DPP10: variants seen among roughly 807,000 people sequenced by gnomAD.
The protein encoded by DPP10 is inactive dipeptidyl peptidase 10.
In DPP10, 33 loss-of-function variants were observed where a neutral mutation model predicts 120.9. The ratio of observed to expected loss-of-function variants is 0.27; its 90% CI spans 0.21 to 0.37. DPP10 has a LOEUF of 0.37. Among genes scored for constraint, DPP10 ranks in the 10% least tolerant of loss-of-function variants. The pLI is 1.00. For synonymous variants in DPP10, 337 were observed against 326.1 expected, an observed-to-expected ratio of 1.03 and a Z score of -0.36; for missense variants, 816 against 942.8, an observed-to-expected ratio of 0.87 and a Z score of 1.76.
At chr2:115,800,702 C>T (rs1685116718) in intron 19 of DPP10, among the ~76,000 whole-genome samples, 1 of 152,120 alleles carries the variant, frequency 6.6e-6, no homozygotes, top group Non-Finnish European at 1.5e-5. Context: ...AATCCTTTCC[C>T]CATTGCTTGT....
intron 1 of DPP10, among the ~76,000 whole-genome samples, chr2:114,898,074 A>G (rs1422050713): frequency 3.3e-5 from 5 of 152,226 alleles, no homozygotes; most frequent in Non-Finnish European, 5.9e-5. Flanking sequence ...CACTATTCAC[A>G]ATAGCAAAGA....
rs1401108631 is a variant in DPP10, at chr2:114,815,891, T to A, written c.60+373053T>A. On this transcript the variant is annotated intron_variant, in intron 1 of 25. Transcript: ENST00000410059. The stretch of plus-strand genomic sequence containing the variant: ...CACTTAAATTTTCTTAGTTTTTTTT[T>A]TTTTTTCCACTTCTAAAATGAGACT... Among the ~76,000 whole-genome samples the A allele has an allele frequency of 2.6e-5, 4 of 152,242 alleles. No homozygotes were observed. The East Asian group carries it at 7.7e-4, about 29-fold the overall frequency.
intron 3 of DPP10, among the ~76,000 whole-genome samples, chr2:115,439,859 A>T (rs369121259): frequency 1.5e-5 from 2 of 129,428 alleles, no homozygotes; most frequent in African/African-American, 5.8e-5. Flanking sequence ...AAAAAGCAGA[A>T]CTAATTAAAA....
intron 3 of DPP10, among the ~76,000 whole-genome samples, chr2:115,430,028 C>A (rs974709522): frequency 1.3e-5 from 2 of 152,162 alleles, no homozygotes; most frequent in African/African-American, 4.8e-5. Flanking sequence ...AGCAGGGACA[C>A]AGGTTCTGCG....
intron 3 of DPP10, among the ~76,000 whole-genome samples, chr2:115,360,029 G>A (rs982554024): frequency 1.3e-5 from 2 of 152,030 alleles, no homozygotes; most frequent in East Asian, 1.9e-4. Context: ...CTGCTGTCTC[G>A]GATTGGGTTT....
intron 9 of DPP10, among the ~76,000 whole-genome samples, chr2:115,741,452 T>G (rs533583867): frequency 2.0e-5 from 3 of 152,046 alleles, no homozygotes; most frequent in East Asian, 3.9e-4. Context: ...CATGACAGTT[T>G]GGACCTATAC....
At chr2:114,970,965 G>C (rs1699351726) in intron 1 of DPP10, among the ~76,000 whole-genome samples, 1 of 152,174 alleles carries the variant, frequency 6.6e-6, no homozygotes, top group South Asian at 2.1e-4. Flanking sequence ...AGAAGGCTCT[G>C]TTTAGAGGGT....
chr2:114,761,103 A>T lies in DPP10; in HGVS notation c.60+318265A>T, dbSNP rs995524214. ...CTCAGTTGACTTAAGAAATTTGCCC[A>T]ATGTCGTATAACTAGCCAGTTTTAA... On this transcript the variant is annotated intron_variant, in intron 1 of 25. Transcript: ENST00000410059. 2.0e-4 allele frequency among the ~76,000 whole-genome samples: 31 copies of T among 152,290 alleles called. No individual in the cohort carries two copies. The East Asian group carries it at 5.4e-3, about 27-fold the overall frequency.
chr2:114,543,807 C>A (rs1035823082), intron 1 of DPP10, among the ~76,000 whole-genome samples: 1 of 151,748 alleles, frequency 6.6e-6, no homozygotes, highest in African/African-American at 2.4e-5. Flanking sequence ...TTGATCACTG[C>A]AATGTCTGCT....
At chr2:115,835,452 A>C (rs985672012) in intron 21 of DPP10, among the ~76,000 whole-genome samples, 1 of 152,108 alleles carries the variant, frequency 6.6e-6, no homozygotes, top group African/African-American at 2.4e-5. Flanking sequence ...AGAGAGGGAG[A>C]GAAAGAGAGA....
chr2:114,679,662 A>G (rs1409397717), intron 1 of DPP10, among the ~76,000 whole-genome samples: 1 of 152,024 alleles, frequency 6.6e-6, no homozygotes, highest in African/African-American at 2.4e-5. Context: ...GATAATTAGA[A>G]CTACAAGAGA....
intron 1 of DPP10, among the ~76,000 whole-genome samples, chr2:115,277,782 T>G (rs2059981264): frequency 6.6e-6 from 1 of 152,140 alleles, no homozygotes; most frequent in Admixed American, 6.5e-5. Flanking sequence ...ATATCACATA[T>G]GTAAAATATT....
At chr2:114,990,021 T>A (rs889369888) in intron 1 of DPP10, among the ~76,000 whole-genome samples, 4 of 152,214 alleles carry the variant, frequency 2.6e-5, no homozygotes, top group African/African-American at 9.6e-5. Flanking sequence ...TGATGTGTTT[T>A]CCTGATATTT....
intron 1 of DPP10, among the ~76,000 whole-genome samples, chr2:114,716,595 T>G (rs1217455476): frequency 1.3e-5 from 2 of 152,230 alleles, no homozygotes; most frequent in Admixed American, 1.3e-4. Flanking sequence ...GCAGTCCTTC[T>G]TTGGGTGTTC....
intron 1 of DPP10, among the ~76,000 whole-genome samples, chr2:114,946,111 C>T (rs1048078259): frequency 2.6e-5 from 4 of 152,148 alleles, no homozygotes; most frequent in Admixed American, 6.5e-5. Flanking sequence ...TAATGTTGAA[C>T]ACTGAATGGA....
At chr2:114,812,384 T>C (rs532831961) in intron 1 of DPP10, among the ~76,000 whole-genome samples, 3 of 152,238 alleles carry the variant, frequency 2.0e-5, no homozygotes, top group South Asian at 4.1e-4. Flanking sequence ...GAAGGACTGC[T>C]TGAGCCCAGG....
chr2:114,472,664 G>T (rs548984487), intron 1 of DPP10, among the ~76,000 whole-genome samples: 25 of 152,284 alleles, frequency 1.6e-4, no homozygotes, highest in Admixed American at 7.2e-4. Flanking sequence ...GAGGTTGTCA[G>T]ACTTTAATCT....
At chr2:114,525,002 A>G (rs1360905415) in intron 1 of DPP10, among the ~76,000 whole-genome samples, 1 of 152,176 alleles carries the variant, frequency 6.6e-6, no homozygotes. Context: ...AGAATTCAGC[A>G]TAGTGTGCTG....
Position 115,459,938 on chromosome 2 carries a change from T to TATATATATACACAC in DPP10, c.272-39571_272-39570insTATATATACACACA, listed in dbSNP as rs66927327. Among the ~76,000 whole-genome samples, 593 of 128,524 alleles carry TATATATATACACAC rather than the reference T, an allele frequency of 4.6e-3. 4 individuals carry two copies. The highest frequency in any genetic ancestry group is 5.8e-3 in the Non-Finnish European group (355 of 61,346). The allele number at this position is 128,524 out of a possible 152,430, so 84.3% of individuals were successfully genotyped here. Reference sequence around the variant, plus strand: ...AAAACATATATTTTATATATATATATACACACACACACCTTTGTTTGCATT... The same window carrying TATATATATACACAC: ...AAAACATATATTTTATATATATATATATATATATACACACACACACACACACCTTTGTTTGCATT... On this transcript the variant is annotated intron_variant, in intron 3 of 25. Transcript: ENST00000410059.
Sources: gnomAD v4.1 joint callset for allele counts (sites outside exome capture counted in the v4.1 genomes callset) on GRCh38, gnomAD v4.1.1 for gene constraint, MANE v1.5 for transcripts, NCBI Gene and HGNC (gene_info 2026-07-23, HGNC 2026-07-21) for gene names.